The following ZNF613 variants were observed in gnomAD, a reference collection of about 807,000 sequenced individuals.
ZNF613 encodes zinc finger protein 613.
Under a neutral mutation model 14.3 loss-of-function variants are expected in ZNF613, and 8 were observed. That is an observed-to-expected ratio of 0.56 (90% CI 0.33 to 1.01). The LOEUF is 1.01. ZNF613 is among the 50% of genes least tolerant of loss of function. ZNF613 has a pLI of 0.03. For missense variants in ZNF613, 656 were observed against 741.9 expected, an observed-to-expected ratio of 0.88 and a Z score of 1.35; for synonymous variants, 228 against 254.5, an observed-to-expected ratio of 0.90 and a Z score of 0.99.
chr19:51,939,309 T>A lies in ZNF613; in HGVS notation c.16-900T>A, dbSNP rs980532761. ...TATTTTGTATTTTCTTTTTTATTAT[T>A]TATTTATTTATTTTATTTTTATTTA... is the stretch of plus-strand genomic sequence containing the variant. On this transcript the variant is annotated intron_variant, in intron 3 of 5. Transcript: ENST00000293471. 7.3e-5 allele frequency among the ~76,000 whole-genome samples: 11 copies of A among 151,566 alleles called. No homozygotes were observed. The East Asian group carries it at 2.1e-3, about 29-fold the overall frequency.
chr19:51,942,356 G>T (rs2085356253), intron 5 of ZNF613, among the ~76,000 whole-genome samples: 1 of 152,196 alleles, frequency 6.6e-6, no homozygotes, highest in Admixed American at 6.5e-5. Flanking sequence ...AATCAAAATG[G>T]ATAAATGTCT....
At chr19:51,941,724 G>A (rs1277524237) in intron 5 of ZNF613, among the ~76,000 whole-genome samples, 1 of 152,016 alleles carries the variant, frequency 6.6e-6, no homozygotes, top group East Asian at 1.9e-4. Flanking sequence ...TTACATGTTT[G>A]TACCTATTTT....
At chr19:51,940,065 T>A in intron 3 of ZNF613, 144 bp from the exon 4 acceptor site, 3 of 1,036,926 alleles carry the variant, frequency 2.9e-6, no homozygotes, top group Non-Finnish European at 4.2e-6. Context: ...TTTGCCTCTA[T>A]GACAATGTAT....
intron 5 of ZNF613, among the ~76,000 whole-genome samples, chr19:51,941,634 A>G (rs983630664): frequency 2.6e-5 from 4 of 152,018 alleles, no homozygotes; most frequent in Non-Finnish European, 4.4e-5. Context: ...ATCCTTTAAA[A>G]GTTTCCTTCA....
chr19:51,941,841 A>G (rs1457841137), intron 5 of ZNF613, among the ~76,000 whole-genome samples: 1 of 152,150 alleles, frequency 6.6e-6, no homozygotes, highest in Non-Finnish European at 1.5e-5. Flanking sequence ...TGCTCTTTCA[A>G]TTGATTTTTG....
rs762728253 is a variant in ZNF613 at position 51,945,374 on chromosome 19, A to T, written c.1491A>T (p.Ser497=). ...GTGGGAAAGCTTTCAGAGATAAATCATGTCTCAACAGACATCGGAGAACTC... is the reference window on the plus strand; with the variant it reads ...GTGGGAAAGCTTTCAGAGATAAATCTTGTCTCAACAGACATCGGAGAACTC... ...SDCGKAFRDK[S]CLNRHRRTHT... is the part of the protein sequence containing the mutation. Residue 497 remains serine, a synonymous_variant, in exon 6 of 6, where the codon TCA becomes TCT. Coordinates refer to ENST00000293471, the MANE Select transcript of ZNF613 (RefSeq NM_001031721.4). 9 of 1,613,958 alleles carry T rather than the reference A, an allele frequency of 5.6e-6. No homozygotes were observed. The African/African-American group carries it at 1.2e-4, about 22-fold the overall frequency.
At chr19:51,932,087 T>G (rs2085270261) in intron 2 of ZNF613, among the ~76,000 whole-genome samples, 1 of 152,074 alleles carries the variant, frequency 6.6e-6, no homozygotes, top group East Asian at 1.9e-4. Context: ...CTTGTGAGAT[T>G]GCATTCCTTG....
intron 5 of ZNF613, among the ~76,000 whole-genome samples, chr19:51,942,152 A>G (rs908753023): frequency 6.6e-6 from 1 of 152,214 alleles, no homozygotes; most frequent in Non-Finnish European, 1.5e-5. Context: ...TCCTTTTCAT[A>G]AATTCAAAGC....
chr19:51,934,024 T>C (rs749248087), intron 2 of ZNF613, among the ~76,000 whole-genome samples: 20 of 151,734 alleles, frequency 1.3e-4, no homozygotes, highest in Admixed American at 2.6e-4. Flanking sequence ...GTCTTGAACT[T>C]CTGGCCTCAA....
chr19:51,928,604 A>G (rs2085237122), intron 1 of ZNF613, among the ~76,000 whole-genome samples: 3 of 152,184 alleles, frequency 2.0e-5, no homozygotes, highest in South Asian at 4.1e-4. Context: ...GCTCACGCCT[A>G]TATTCCCAGC....
chr19:51,944,948 G>T lies in ZNF613; in HGVS notation c.1065G>T (p.Trp355Cys), dbSNP rs1329341789. 1 of 1,613,918 alleles carries T rather than the reference G, an allele frequency of 6.2e-7. No individual in the cohort carries two copies. Among genetic ancestry groups the T allele is most frequent in the Non-Finnish European group, 8.5e-7 (1 of 1,179,994 alleles). ...CTGAATGTGACAAAGCATTCCGCTG[G>T]AAATCACAGCTCAATGCACATCAGA... Reference protein sequence around the residue: ...ECTECDKAFRWKSQLNAHQKA... With the variant: ...ECTECDKAFRCKSQLNAHQKA... The change falls in exon 6 of 6, where the codon TGG becomes TGT. Residue 355 changes from tryptophan to cysteine, a missense_variant. Coordinates refer to ENST00000293471, the MANE Select transcript of ZNF613 (RefSeq NM_001031721.4).
intron 2 of ZNF613, among the ~76,000 whole-genome samples, chr19:51,932,596 C>T (rs2085275293): frequency 6.6e-6 from 1 of 151,970 alleles, no homozygotes; most frequent in African/African-American, 2.4e-5. Context: ...CGCACCAGGC[C>T]AGTGTGCTGT....
At chr19:51,938,785 G>A (rs1007088290) in intron 3 of ZNF613, among the ~76,000 whole-genome samples, 1 of 143,802 alleles carries the variant, frequency 7.0e-6, no homozygotes, top group Non-Finnish European at 1.5e-5. Flanking sequence ...TAGTCTGGGA[G>A]CAATAGGCTA....
chr19:51,940,337 T>C lies in ZNF613; in HGVS notation c.142+2T>C, dbSNP rs2085337858. The stretch of plus-strand genomic sequence containing the variant: ...ACTATAGCAACCTCGTGTCAGTGGG[T>C]GAGGACAGCTGCCCTGTGTCACTCA... On this transcript the variant is annotated splice_donor_variant, in intron 4 of 5. Transcript: ENST00000293471. LOFTEE classifies it high-confidence loss of function. 6.2e-7 allele frequency: 1 copy of C among 1,612,982 alleles called. No homozygotes were observed. Among genetic ancestry groups the C allele is most frequent in the Non-Finnish European group, 8.5e-7 (1 of 1,179,446 alleles).
rs1019101246 is a variant in ZNF613, at chr19:51,946,238, G to A, written c.*501G>A. On this transcript the variant is annotated 3_prime_UTR_variant, in exon 6 of 6. Coordinates refer to ENST00000293471, the MANE Select transcript of ZNF613 (RefSeq NM_001031721.4). ...GCCCTGTGAAAAGGAGTATTTTAGA[G>A]ATTTCGATCAGAAATCTAACATCAT... 2 of 158,262 alleles carry A rather than the reference G, an allele frequency of 1.3e-5. No individual in the cohort carries two copies. The highest frequency in any genetic ancestry group is 2.8e-5 in the Non-Finnish European group (2 of 71,602). The allele number at this position is 158,262 out of a possible 1,614,324, so 9.8% of individuals were successfully genotyped here.
rs1370759640 is a variant in ZNF613 at position 51,937,812 on chromosome 19, C to T, written c.15+1577C>T. 3.3e-5 allele frequency among the ~76,000 whole-genome samples: 5 copies of T among 150,952 alleles called. No homozygotes were observed. The East Asian group carries it at 9.7e-4, about 29-fold the overall frequency. ...TAGTGCCATCTTGGCCTACCACAAC[C>T]TCTGCCTCCCAGGCTGAAGTGATTC... is the stretch of plus-strand genomic sequence containing the variant. On this transcript the variant is annotated intron_variant, in intron 3 of 5. Coordinates refer to ENST00000293471, the MANE Select transcript of ZNF613 (RefSeq NM_001031721.4).
At chr19:51,938,325 G>A (rs2085320397) in intron 3 of ZNF613, among the ~76,000 whole-genome samples, 1 of 151,620 alleles carries the variant, frequency 6.6e-6, no homozygotes, top group Non-Finnish European at 1.5e-5. Context: ...AGGCTGGAGT[G>A]CAGTGGTGTG....
chr19:51,931,569 AG>A (rs2085264424), intron 2 of ZNF613, among the ~76,000 whole-genome samples: 1 of 152,204 alleles, frequency 6.6e-6, no homozygotes, highest in South Asian at 2.1e-4. Flanking sequence ...TCTTGACTTT[AG>A]AGAATGTACT....
chr19:51,932,851 C>T (rs1026212444), intron 2 of ZNF613, among the ~76,000 whole-genome samples: 1 of 151,842 alleles, frequency 6.6e-6, no homozygotes, highest in Non-Finnish European at 1.5e-5. Context: ...AATTTTTGAA[C>T]TTTTTGTAGA....
Sources: gnomAD v4.1 joint callset for allele counts (sites outside exome capture counted in the v4.1 genomes callset) on GRCh38, gnomAD v4.1.1 for gene constraint, MANE v1.5 for transcripts, NCBI Gene and HGNC (gene_info 2026-07-23, HGNC 2026-07-21) for gene names.